RFX8: variants seen among roughly 807,000 people sequenced by gnomAD.
The protein encoded by RFX8 is DNA-binding protein RFX8.
A neutral mutation model predicts 54.6 loss-of-function variants in RFX8; 46 were observed. That is an observed-to-expected ratio of 0.84 (90% CI 0.67 to 1.08). The LOEUF is 1.08. Among genes scored for constraint, RFX8 ranks in the 50% least tolerant of loss-of-function variants. RFX8 has a pLI of 0.00. For missense variants in RFX8, 536 were observed against 562.3 expected (o/e 0.95, Z 0.47); for synonymous variants, 192 against 209.5 (o/e 0.92, Z 0.72).
intron 2 of RFX8, among the ~76,000 whole-genome samples, chr2:101,437,855 G>A (rs1687866431): frequency 1.1e-5 from 1 of 91,120 alleles, no homozygotes; most frequent in Non-Finnish European, 2.6e-5. Flanking sequence ...TATCACCTGT[G>A]CAGGTTCATG....
At chr2:101,449,494 C>G (rs1041865301) in intron 2 of RFX8, among the ~76,000 whole-genome samples, 2 of 152,002 alleles carry the variant, frequency 1.3e-5, no homozygotes, top group South Asian at 2.1e-4. Context: ...GCTTTGTGAC[C>G]CACGGGGGTC....
At chr2:101,464,081 C>G (rs1689434759) in intron 2 of RFX8, among the ~76,000 whole-genome samples, 1 of 152,160 alleles carries the variant, frequency 6.6e-6, no homozygotes, top group Non-Finnish European at 1.5e-5. Context: ...AGACACAGAA[C>G]AGGAAGATGA....
rs116725092 is a variant in RFX8 at position 101,412,125 on chromosome 2, T to C, written c.718+790A>G. 1.7e-3 allele frequency among the ~76,000 whole-genome samples: 264 copies of C among 152,260 alleles called. 1 individual carries two copies. The highest frequency in any genetic ancestry group is 5.1e-3 in the African/African-American group (210 of 41,560). On this transcript the variant is annotated intron_variant, in intron 8 of 11. Transcript: ENST00000428343. ...GGCCATTCGACTTACCTGGGGCATC[T>C]TGGCAGCGAGTGTTTGGAAAGGACA... is the stretch of plus-strand genomic sequence containing the variant.
intron 10 of RFX8, 39 bp from the exon 11 acceptor site, chr2:101,402,791 C>A: frequency 6.7e-7 from 1 of 1,489,646 alleles, no homozygotes; most frequent in Non-Finnish European, 9.0e-7. Context: ...TACATTTGAT[C>A]GACAGACAAT....
chr2:101,418,790 C>T (rs1686686423), intron 5 of RFX8, 61 bp downstream of exon 5: 2 of 1,063,622 alleles, frequency 1.9e-6, no homozygotes, highest in Admixed American at 4.0e-5. Context: ...TGGGTCCAAA[C>T]CCAGCATTTG....
intron 1 of RFX8, among the ~76,000 whole-genome samples, chr2:101,472,104 T>G (rs1690032954): frequency 6.6e-6 from 1 of 152,176 alleles, no homozygotes; most frequent in Non-Finnish European, 1.5e-5. Context: ...GTTTTGGGTT[T>G]TTTATTTTGT....
intron 1 of RFX8, among the ~76,000 whole-genome samples, chr2:101,469,056 G>GTA (rs199839710): frequency 8.1e-3 from 86 of 10,596 alleles, no homozygotes; most frequent in East Asian, 0.027. Context: ...ATATATATAC[G>GTA]TATATATATG....
At chr2:101,472,207 T>A (rs568777129) in intron 1 of RFX8, among the ~76,000 whole-genome samples, 1 of 152,252 alleles carries the variant, frequency 6.6e-6, no homozygotes, top group Admixed American at 6.5e-5. Context: ...TTCAAGCGAT[T>A]CTTCTGCCTC....
chr2:101,449,859 G>A (rs1688583716), intron 2 of RFX8, among the ~76,000 whole-genome samples: 1 of 152,086 alleles, frequency 6.6e-6, no homozygotes, highest in Admixed American at 6.6e-5. Flanking sequence ...TAATGGAGAA[G>A]GGAAAGAGCA....
intron 10 of RFX8, 33 bp from the exon 11 acceptor site, chr2:101,402,785 T>A (rs1685520424): frequency 2.0e-6 from 3 of 1,504,030 alleles, no homozygotes. Flanking sequence ...AATGAATACA[T>A]TTGATCGACA....
chr2:101,454,788 T>C (rs1248907288), intron 2 of RFX8, among the ~76,000 whole-genome samples: 1 of 152,244 alleles, frequency 6.6e-6, no homozygotes, highest in East Asian at 1.9e-4. Flanking sequence ...TTGTAGATTC[T>C]GGATATTAGC....
At chr2:101,445,597 T>A (rs1460555699) in intron 2 of RFX8, among the ~76,000 whole-genome samples, 16 of 151,392 alleles carry the variant, frequency 1.1e-4, no homozygotes, top group African/African-American at 3.6e-4. Context: ...AAATTTTTAA[T>A]TTTATATTTT....
intron 8 of RFX8, among the ~76,000 whole-genome samples, chr2:101,412,527 A>G (rs921038989): frequency 2.0e-5 from 3 of 152,236 alleles, no homozygotes; most frequent in Admixed American, 6.5e-5. Flanking sequence ...ATCTAGCTCA[A>G]GGCAGTTTAG....
chr2:101,408,217 G>A, intron 9 of RFX8, among the ~76,000 whole-genome samples: 1 of 152,042 alleles, frequency 6.6e-6, no homozygotes, highest in Non-Finnish European at 1.5e-5. Context: ...CGGGCGCGGT[G>A]GCTCACGCCT....
chr2:101,405,633 A>G lies in RFX8; in HGVS notation c.928+310T>C, dbSNP rs535188082. On this transcript the variant is annotated intron_variant, in intron 10 of 11. Coordinates refer to ENST00000428343, the MANE Select transcript of RFX8 (RefSeq NM_001145664.2). Reference sequence around the variant, plus strand: ...CTTCAAAGAACCCATTTTGTTCTCCATCTCAGTTGTCTCTCTCGGTGCTTT... The same window carrying G: ...CTTCAAAGAACCCATTTTGTTCTCCGTCTCAGTTGTCTCTCTCGGTGCTTT... 9.9e-5 allele frequency among the ~76,000 whole-genome samples: 15 copies of G among 152,136 alleles called. No individual in the cohort carries two copies. The South Asian group carries it at 1.2e-3, about 13-fold the overall frequency.
intron 4 of RFX8, among the ~76,000 whole-genome samples, chr2:101,421,078 C>A (rs1469224172): frequency 6.6e-6 from 1 of 152,176 alleles, no homozygotes; most frequent in Admixed American, 6.5e-5. Context: ...GTCTCTCCCT[C>A]ACTACAATGC....
chr2:101,438,657 A>G (rs1191793512), intron 2 of RFX8, among the ~76,000 whole-genome samples: 1 of 152,196 alleles, frequency 6.6e-6, no homozygotes, highest in Non-Finnish European at 1.5e-5. Context: ...GAAACTGCCA[A>G]ACTGTATTTC....
intron 11 of RFX8, among the ~76,000 whole-genome samples, chr2:101,402,181 C>G (rs1219644023): frequency 2.0e-5 from 3 of 152,212 alleles, no homozygotes; most frequent in Non-Finnish European, 4.4e-5. Context: ...TCTGGGAAGG[C>G]AAGAAATACC....
intron 2 of RFX8, among the ~76,000 whole-genome samples, chr2:101,430,972 T>C (rs1687449201): frequency 6.6e-6 from 1 of 152,242 alleles, no homozygotes; most frequent in African/African-American, 2.4e-5. Flanking sequence ...GTTGTGAGAC[T>C]TTCTTCAACT....
Sources: allele counts gnomAD v4.1 joint callset (sites outside exome capture counted in the v4.1 genomes callset), GRCh38; gene constraint gnomAD v4.1.1; transcripts MANE v1.5; gene names NCBI Gene and HGNC (gene_info 2026-07-23, HGNC 2026-07-21).